KDELR1: variants seen among roughly 807,000 people sequenced by gnomAD.
The protein encoded by KDELR1 is KDEL endoplasmic reticulum protein retention receptor 1, also known as ER lumen protein-retaining receptor 1.
Under a neutral mutation model 25.5 loss-of-function variants are expected in KDELR1, and 16 were observed. The observed-to-expected ratio is 0.63, with a 90% CI of 0.43 to 0.95. The LOEUF (loss-of-function observed/expected upper bound fraction) is 0.95, where lower values mean the gene tolerates loss of function less well. Ranked by LOEUF, KDELR1 falls within the 40% of genes least tolerant of loss-of-function variation. The pLI is 0.00. For synonymous variants in KDELR1, 121 were observed against 115.0 expected, an observed-to-expected ratio of 1.05 and a Z score of -0.33; for missense variants, 159 against 265.2, an observed-to-expected ratio of 0.60 and a Z score of 2.78.
upstream of KDELR1, among the ~76,000 whole-genome samples, chr19:48,393,702 G>A (rs1028902025): frequency 2.6e-5 from 4 of 151,960 alleles, no homozygotes; most frequent in South Asian, 4.2e-4. This position sits in a 1 kb window ranked among gnomAD's most constrained non-coding sequence, Gnocchi z 5.6. Context: ...AGAACACAGC[G>A]AGTGTGTGAG....
At chr19:48,386,183 G>A (rs532152581) in intron 3 of KDELR1, among the ~76,000 whole-genome samples, 58 of 148,094 alleles carry the variant, frequency 3.9e-4, no homozygotes, top group African/African-American at 1.5e-3. Context: ...GCGCGATCTC[G>A]GCTCACTGCA....
chr19:48,396,720 G>A, the KDELR1 span, among the ~76,000 whole-genome samples: 1 of 152,030 alleles, frequency 6.6e-6, no homozygotes, highest in East Asian at 1.9e-4. Flanking sequence ...GTGAGGTGGT[G>A]GGCAGAGGGG....
At chr19:48,389,845 G>C in intron 2 of KDELR1, 134 bp from the exon 3 acceptor site, 1 of 885,546 alleles carries the variant, frequency 1.1e-6, no homozygotes, top group African/African-American at 1.9e-5. Context: ...AGACCCAGGA[G>C]TCCAAGCCCC....
rs181232212 is a variant in KDELR1, at chr19:48,384,801, G to A, written c.352-319C>T. 3.6e-4 allele frequency among the ~76,000 whole-genome samples: 55 copies of A among 152,190 alleles called. 1 individual carries two copies. The highest frequency in any genetic ancestry group is 1.9e-4 in the East Asian group (1 of 5,186). On this transcript the variant is annotated intron_variant, in intron 3 of 4. Coordinates refer to ENST00000330720, the MANE Select transcript of KDELR1 (RefSeq NM_006801.3). This position sits in a 1 kb window ranked among gnomAD's most constrained non-coding sequence, Gnocchi z 4.6. ...GATTCGAACCAAGGATTCGCAGTCC[G>A]TTCTCATGAACACTTTGCAATTGCG...
chr19:48,389,724 A>C lies in KDELR1; in HGVS notation c.193-13T>G. The C allele has an allele frequency of 6.2e-7, 1 of 1,613,528 alleles. No homozygotes were observed. The highest frequency in any genetic ancestry group is 8.5e-7 in the Non-Finnish European group (1 of 1,179,780). ...CTATGTAGACCACCTGAGGAGGGGG[A>C]TGATGAGAAGGGGCCTCAACTCACA... is the stretch of plus-strand genomic sequence containing the variant. On this transcript the variant is annotated splice_polypyrimidine_tract_variant and intron_variant, in intron 2 of 4. Transcript: ENST00000330720.
rs1391928077 is a variant in KDELR1, at chr19:48,383,090, C to CA, written c.*202dup. 3.4e-6 allele frequency: 2 copies of CA among 581,372 alleles called. No homozygotes were observed. Among genetic ancestry groups the CA allele is most frequent in the Non-Finnish European group, 6.1e-6 (2 of 328,728 alleles). The allele number at this position is 581,372 out of a possible 1,614,324, so 36.0% of individuals were successfully genotyped here. A position where few individuals can be genotyped will look rare whatever the true frequency, so the allele number is the denominator to read the frequency against. ...AGATTTTTTTTTCTTGTCTAAAAGG[C>CA]AAAAAACTACAAACAGCCCAAGTCC... On this transcript the variant is annotated 3_prime_UTR_variant, in exon 5 of 5. Coordinates refer to ENST00000330720, the MANE Select transcript of KDELR1 (RefSeq NM_006801.3).
At chr19:48,387,338 G>A (rs1263516957) in intron 3 of KDELR1, among the ~76,000 whole-genome samples, 1 of 152,098 alleles carries the variant, frequency 6.6e-6, no homozygotes, top group African/African-American at 2.4e-5. Context: ...TGACCCATGG[G>A]CCAAAGTCAC....
At chr19:48,391,212 TC>T in intron 1 of KDELR1, 55 bp downstream of exon 1, 1 of 1,464,696 alleles carries the variant, frequency 6.8e-7, no homozygotes, top group Non-Finnish European at 9.4e-7. Context: ...TCCTGCGACG[TC>T]CCCCAACCCC....
rs1174485488 is a variant in KDELR1 at position 48,382,771 on chromosome 19, A to G, written c.*522T>C. On this transcript the variant is annotated 3_prime_UTR_variant, in exon 5 of 5. Coordinates refer to ENST00000330720, the MANE Select transcript of KDELR1 (RefSeq NM_006801.3). ...GGGAAAAAAATTACTATGAAAAAAA[A>G]TCAGGGGAGACCTTCCTGGGCCTCC... is the stretch of plus-strand genomic sequence containing the variant. The G allele has an allele frequency of 6.5e-6, 1 of 152,878 alleles. No individual in the cohort carries two copies. The highest frequency in any genetic ancestry group is 1.5e-5 in the Non-Finnish European group (1 of 68,312). 9.5% of individuals were successfully genotyped at this position (152,878 alleles called of 1,614,324 possible).
At position 48,390,891 on chromosome 19, in the gene KDELR1, A is replaced by G; in HGVS notation, c.92-367T>C. 9.2e-6 allele frequency: 4 copies of G among 434,424 alleles called. 1 individual carries two copies. The highest frequency in any genetic ancestry group is 9.0e-5 in the South Asian group (4 of 44,296). 26.9% of individuals were successfully genotyped at this position (434,424 alleles called of 1,614,324 possible). ...TGAGGCCTAGGGAGGACCTTCCCTG[A>G]CCTCAGGCCCCGGATCCGGTCACCT... is the stretch of plus-strand genomic sequence containing the variant. On this transcript the variant is annotated intron_variant, in intron 1 of 4. Coordinates refer to ENST00000330720, the MANE Select transcript of KDELR1 (RefSeq NM_006801.3).
chr19:48,383,279 G>A lies in KDELR1; in HGVS notation c.*14C>T. 1 of 1,551,746 alleles carries A rather than the reference G, an allele frequency of 6.4e-7. No homozygotes were observed. Among genetic ancestry groups the A allele is most frequent in the South Asian group, 1.2e-5 (1 of 84,060 alleles). On this transcript the variant is annotated 3_prime_UTR_variant, in exon 5 of 5. Transcript: ENST00000330720. ...TCCCGCTGCTGCCGAGGAGAGAGAT[G>A]GAGAGGACCGGGGCTATGCCGGCAA...
At chr19:48,396,184 G>A (rs1156911944), upstream of KDELR1, among the ~76,000 whole-genome samples, 1 of 151,996 alleles carries the variant, frequency 6.6e-6, no homozygotes. Context: ...GAGGCGGGGG[G>A]AGCGGGGGGT....
chr19:48,391,732 C>T (rs1970556679), upstream of KDELR1, among the ~76,000 whole-genome samples: 1 of 152,172 alleles, frequency 6.6e-6, no homozygotes, highest in East Asian at 1.9e-4. Flanking sequence ...GTGCCAAATC[C>T]AGCACCGGTT....
upstream of KDELR1, among the ~76,000 whole-genome samples, chr19:48,395,390 C>A (rs1482683629): frequency 6.6e-6 from 1 of 152,004 alleles, no homozygotes; most frequent in Non-Finnish European, 1.5e-5. Context: ...GGCATCCAGG[C>A]CCCCAGCACC....
chr19:48,392,526 C>T (rs1312830789), upstream of KDELR1, among the ~76,000 whole-genome samples: 5 of 152,214 alleles, frequency 3.3e-5, no homozygotes, highest in Non-Finnish European at 7.3e-5. Flanking sequence ...CCCACCCCCA[C>T]CATCTTATGG....
chr19:48,390,544 A>AG lies in KDELR1; in HGVS notation c.92-21_92-20insC. ...AAATTCCTGTGGTCCAGAGACAGAG[A>AG]AAGAGAGAGAGAGAGAGACAGAGAG... is the stretch of plus-strand genomic sequence containing the variant. On this transcript the variant is annotated intron_variant, in intron 1 of 4. Coordinates refer to ENST00000330720, the MANE Select transcript of KDELR1 (RefSeq NM_006801.3). The AG allele has an allele frequency of 2.0e-6, 3 of 1,528,668 alleles. No homozygotes were observed. The highest frequency in any genetic ancestry group is 2.7e-6 in the Non-Finnish European group (3 of 1,106,282). 94.7% of individuals were successfully genotyped at this position (1,528,668 alleles called of 1,614,324 possible). A position where few individuals can be genotyped will look rare whatever the true frequency, so the allele number is the denominator to read the frequency against.
chr19:48,396,670 C>A, the KDELR1 span, among the ~76,000 whole-genome samples: 2 of 151,960 alleles, frequency 1.3e-5, no homozygotes, highest in Non-Finnish European at 2.9e-5. Context: ...AGCCCCCAAC[C>A]CCTTCCCTGG....
In KDELR1 at chr19:48,391,499, C is replaced by T. The variant is rs1270906782; in HGVS notation, c.-141G>A. ...GGTGCGCTCCGCTCCGGGGAGGGGA[C>T]TTTGGGAGGGGGAGCAAAGGCTGGA... On this transcript the variant is annotated 5_prime_UTR_variant, in exon 1 of 5. Transcript: ENST00000330720. The T allele has an allele frequency of 3.5e-5, 23 of 650,468 alleles. No individual in the cohort carries two copies. The highest frequency in any genetic ancestry group is 1.3e-4 in the Admixed American group (5 of 38,066). 40.3% of individuals were successfully genotyped at this position (650,468 alleles called of 1,614,324 possible). A position where few individuals can be genotyped will look rare whatever the true frequency, so the allele number is the denominator to read the frequency against.
chr19:48,390,450 T>C lies in KDELR1; in HGVS notation c.166A>G (p.Ile56Val). ...ARYLDLFTNY[I>V]SLYNTCMKVV... ...TTCATACACGTGTTGTAGAGTGAGATGTAGTTGGTGAAGAGGTCCAGATAT... is the reference window on the plus strand; with the variant it reads ...TTCATACACGTGTTGTAGAGTGAGACGTAGTTGGTGAAGAGGTCCAGATAT... The change falls in exon 2 of 5, where the codon ATC (isoleucine) becomes GTC (valine). Residue 56 changes from isoleucine to valine, a missense_variant. By Grantham distance (29) the Ile-to-Val change is conservative (BLOSUM62 3). Transcript: ENST00000330720. 6.2e-7 allele frequency: 1 copy of C among 1,613,544 alleles called. No homozygotes were observed. Among genetic ancestry groups the C allele is most frequent in the South Asian group, 1.1e-5 (1 of 91,064 alleles).
Sources: allele counts gnomAD v4.1 joint callset (sites outside exome capture counted in the v4.1 genomes callset), GRCh38; gene constraint gnomAD v4.1.1; non-coding constraint Gnocchi (gnomAD v3.1); transcripts MANE v1.5; gene names NCBI Gene and HGNC (gene_info 2026-07-23, HGNC 2026-07-21).